The following KDM3B variants were observed in gnomAD, a reference collection of about 807,000 sequenced individuals.
KDM3B encodes lysine-specific demethylase 3B.
In KDM3B, 10 loss-of-function variants were observed where a neutral mutation model predicts 170.0. The observed-to-expected ratio is 0.06, with a 90% confidence interval of 0.04 to 0.10. KDM3B has a LOEUF of 0.10. Among genes scored for constraint, KDM3B ranks in the 10% least tolerant of loss-of-function variants. The pLI is 1.00. For missense variants in KDM3B, 1,394 were observed against 2,195.2 expected (o/e 0.64, Z 7.29); for synonymous variants, 831 against 834.8 (o/e 1.00, Z 0.08).
At chr5:138,425,677 G>A (rs1763374693) in intron 17 of KDM3B, 95 bp downstream of exon 17, 5 of 1,082,802 alleles carry the variant, frequency 4.6e-6, no homozygotes, top group East Asian at 2.4e-5. Flanking sequence ...TATATTCTGG[G>A]GCATAATGGG....
At position 138,419,018 on chromosome 5, in the gene KDM3B, G is replaced by A. The variant is rs753056205; in HGVS notation, c.3501G>A (p.Pro1167=). The A allele has an allele frequency of 5.7e-5, 92 of 1,613,994 alleles. No homozygotes were observed. Among genetic ancestry groups the A allele is most frequent in the South Asian group, 1.2e-4 (11 of 91,086 alleles). ...CTACCTTCTCTGGTGGAGGAGGACC[G>A]GCACCAGTAACAACTCCAGAGCCGG... The part of the protein sequence containing the change: ...NETTFSGGGG[P]APVTTPEPDH... Residue 1167 remains proline (P), a synonymous_variant, in exon 14 of 24, where the codon CCG becomes CCA. Coordinates refer to ENST00000314358, the MANE Select transcript of KDM3B (RefSeq NM_016604.4).
intron 3 of KDM3B, among the ~76,000 whole-genome samples, chr5:138,376,447 G>A (rs1005584912): frequency 1.9e-4 from 29 of 151,730 alleles, no homozygotes; most frequent in Admixed American, 1.5e-3. Flanking sequence ...GCTCACGCCT[G>A]TAATCTCAGC....
chr5:138,424,603 C>A (rs957428299), intron 16 of KDM3B, among the ~76,000 whole-genome samples: 4 of 151,966 alleles, frequency 2.6e-5, no homozygotes, highest in African/African-American at 9.7e-5. Context: ...ATGGTGAAAT[C>A]CTGTCTCTAC....
At chr5:138,388,641 TAAAAAAAAAA>T (rs60280463) in intron 7 of KDM3B, among the ~76,000 whole-genome samples, 3 of 84,644 alleles carry the variant, frequency 3.5e-5, no homozygotes, top group African/African-American at 1.4e-4. Flanking sequence ...ACTCCGTCTT[TAAAAAAAAAA>T]AAAAAAAAAA....
intron 10 of KDM3B, 112 bp downstream of exon 10, chr5:138,398,504 T>C (rs1003466228): frequency 1.4e-5 from 12 of 854,072 alleles, no homozygotes; most frequent in Non-Finnish European, 2.2e-5. Context: ...TGTGAATGAA[T>C]TAAGACCGAT....
At chr5:138,403,595 T>C (rs1016798456) in intron 11 of KDM3B, among the ~76,000 whole-genome samples, 1 of 151,256 alleles carries the variant, frequency 6.6e-6, no homozygotes, top group African/African-American at 2.4e-5. Context: ...GAGAATCACT[T>C]GAACCCGGGA....
chr5:138,411,780 G>C, intron 11 of KDM3B, among the ~76,000 whole-genome samples: 1 of 150,098 alleles, frequency 6.7e-6, no homozygotes, highest in East Asian at 2.0e-4. Context: ...GCTCACTGCA[G>C]CTTCCACCTC....
chr5:138,391,835 C>G lies in KDM3B; in HGVS notation c.2203C>G (p.Pro735Ala), dbSNP rs768897723. ...CTCGCCCACCAGCAGCCTCACTCAGCCCATTGAGATGCCAACTCTCTCCTC... is the reference window on the plus strand; with the variant it reads ...CTCGCCCACCAGCAGCCTCACTCAGGCCATTGAGATGCCAACTCTCTCCTC... ...SSSPTSSLTQ[P>A]IEMPTLSSSP... The change falls in exon 8 of 24, where the codon CCC becomes GCC. Residue 735 changes from proline to alanine, a missense_variant. Coordinates refer to ENST00000314358, the MANE Select transcript of KDM3B (RefSeq NM_016604.4). This position sits in a 1 kb window ranked among gnomAD's most constrained non-coding sequence, Gnocchi z 5.0. 24 of 1,614,028 alleles carry G rather than the reference C, an allele frequency of 1.5e-5. No individual in the cohort carries two copies. Among genetic ancestry groups the G allele is most frequent in the Non-Finnish European group, 1.9e-5 (23 of 1,180,038 alleles).
chr5:138,395,623 AT>A lies in KDM3B; in HGVS notation c.2831+2262del, dbSNP rs897113919. 1.1e-3 allele frequency among the ~76,000 whole-genome samples: 171 copies of A among 148,758 alleles called. 4 individuals carry two copies. The East Asian group carries it at 0.02, about 18-fold the overall frequency. ...ACAAAAAATAATAGTAATAATAATAATTTTTTTTTTTGAGACGGAGTCTTGC... is the reference window on the plus strand; with the variant it reads ...ACAAAAAATAATAGTAATAATAATAATTTTTTTTTTGAGACGGAGTCTTGC... On this transcript the variant is annotated intron_variant, in intron 9 of 23. Coordinates refer to ENST00000314358, the MANE Select transcript of KDM3B (RefSeq NM_016604.4).
At chr5:138,426,417 A>G (rs1451807768) in intron 17 of KDM3B, among the ~76,000 whole-genome samples, 1 of 151,630 alleles carries the variant, frequency 6.6e-6, no homozygotes, top group African/African-American at 2.4e-5. Context: ...TACTAAAAAT[A>G]CAAAAAAATT....
chr5:138,393,421 A>G, intron 9 of KDM3B, 49 bp downstream of exon 9: 1 of 1,430,534 alleles, frequency 7.0e-7, no homozygotes, highest in Non-Finnish European at 9.8e-7. Flanking sequence ...TTAGTGACAC[A>G]TAACTTCCAC....
At chr5:138,409,869 C>T (rs1762915850) in intron 11 of KDM3B, among the ~76,000 whole-genome samples, 1 of 152,228 alleles carries the variant, frequency 6.6e-6, no homozygotes, top group Non-Finnish European at 1.5e-5. Context: ...AGGCAGATCA[C>T]CTGAGGTTGG....
At chr5:138,361,457 C>T (rs1022188428) in intron 1 of KDM3B, among the ~76,000 whole-genome samples, 2 of 151,776 alleles carry the variant, frequency 1.3e-5, no homozygotes, top group South Asian at 4.1e-4. Flanking sequence ...TATTAATTTA[C>T]AGTGGGAGGT....
intron 5 of KDM3B, among the ~76,000 whole-genome samples, chr5:138,380,857 C>T (rs997407014): frequency 1.3e-5 from 2 of 151,626 alleles, no homozygotes. Flanking sequence ...TCCACCATGC[C>T]CAGCCTGGAG....
At position 138,363,681 on chromosome 5, in the gene KDM3B, G is replaced by A. The variant is rs145818853; in HGVS notation, c.193-8993G>A. Among the ~76,000 whole-genome samples, 2,515 of 152,110 alleles carry A rather than the reference G, an allele frequency of 0.017. 196 individuals carry two copies. The East Asian group carries it at 0.24, about 15-fold the overall frequency. On this transcript the variant is annotated intron_variant, in intron 1 of 23. Coordinates refer to ENST00000314358, the MANE Select transcript of KDM3B (RefSeq NM_016604.4). ...CCTGCCTCAGCCTCCTGAGTAGCTG[G>A]GATTACAGGCTCCCGCCACCACACC...
intron 13 of KDM3B, 151 bp from the exon 14 acceptor site, chr5:138,418,802 T>C: frequency 3.8e-6 from 3 of 782,898 alleles, no homozygotes; most frequent in Non-Finnish European, 6.3e-6. Flanking sequence ...TAGGACTCAA[T>C]AAATATATGT....
intron 7 of KDM3B, among the ~76,000 whole-genome samples, chr5:138,389,363 G>A (rs888659525): frequency 1.4e-4 from 22 of 152,140 alleles, no homozygotes; most frequent in African/African-American, 5.3e-4. Flanking sequence ...CTCCTCTTGT[G>A]TATTTAAAGA....
At position 138,354,252 on chromosome 5, in the gene KDM3B, G is replaced by C. The variant is rs113385306; in HGVS notation, c.192+1265G>C. Among the ~76,000 whole-genome samples, 361 of 152,164 alleles carry C rather than the reference G, an allele frequency of 2.4e-3. 6 individuals are homozygous for C. The highest frequency in any genetic ancestry group is 8.2e-3 in the African/African-American group (339 of 41,530). ...TTTTTCTTCATGCTGTATAAGAAAC[G>C]TTACTAGGACATTTATAAGGCCTCA... On this transcript the variant is annotated intron_variant, in intron 1 of 23. Transcript: ENST00000314358.
chr5:138,405,740 A>T (rs752474280), intron 11 of KDM3B, among the ~76,000 whole-genome samples: 1 of 152,246 alleles, frequency 6.6e-6, no homozygotes, highest in African/African-American at 2.4e-5. Flanking sequence ...TTTAAAAGTT[A>T]ATTGTTTAAA....
Sources: gnomAD v4.1 joint callset for allele counts (sites outside exome capture counted in the v4.1 genomes callset) on GRCh38, gnomAD v4.1.1 for gene constraint, Gnocchi (gnomAD v3.1) non-coding constraint, MANE v1.5 for transcripts, NCBI Gene and HGNC (gene_info 2026-07-23, HGNC 2026-07-21) for gene names.